The following VWF variants were observed in gnomAD, a reference collection of about 807,000 sequenced individuals.
VWF encodes the protein Factor VIII related antigen.
A neutral mutation model predicts 308.6 loss-of-function variants in VWF; 176 were observed. The ratio of observed to expected loss-of-function variants is 0.57; its 90% CI spans 0.50 to 0.65. VWF has a LOEUF of 0.65. VWF is among the 30% of genes least tolerant of loss of function. VWF has a pLI of 0.00. For synonymous variants in VWF, 1,385 were observed against 1,443.4 expected, an observed-to-expected ratio of 0.96 and a Z score of 0.92; for missense variants, 3,146 against 3,648.2, an observed-to-expected ratio of 0.86 and a Z score of 3.55.
Position 5,952,505 on chromosome 12 carries a change from G to A in VWF, c.8001C>T (p.Leu2667=), listed in dbSNP as rs768159245. The change falls in exon 49 of 52, where the codon CTC becomes CTT. Residue 2667 remains leucine, a synonymous_variant. Coordinates refer to ENST00000261405, the MANE Select transcript of VWF (RefSeq NM_000552.5). Reference sequence around the variant, plus strand: ...AGAAGTGAGTATCACAGCCATCCTGGAGCGTCTCATCACGCTGGAAGGAAA... The same window carrying A: ...AGAAGTGAGTATCACAGCCATCCTGAAGCGTCTCATCACGCTGGAAGGAAA... ...QIMTLKRDET[L]QDGCDTHFCK... The A allele has an allele frequency of 1.9e-6, 3 of 1,613,880 alleles. No individual in the cohort carries two copies. The East Asian group carries it at 6.7e-5, about 36-fold the overall frequency.
At chr12:6,022,142 C>A (rs1944136405) in intron 26 of VWF, 107 bp from the exon 27 acceptor site, 1 of 1,493,030 alleles carries the variant, frequency 6.7e-7, no homozygotes, top group South Asian at 1.1e-5. Context: ...GCCCTAGAAG[C>A]CAACTCCTCC....
intron 22 of VWF, among the ~76,000 whole-genome samples, chr12:6,027,234 T>G (rs1385717565): frequency 6.6e-6 from 1 of 151,960 alleles, no homozygotes; most frequent in Non-Finnish European, 1.5e-5. Context: ...CACACTGACC[T>G]CCTTGTACAA....
At chr12:6,116,989 T>C (rs1209008507) in intron 3 of VWF, among the ~76,000 whole-genome samples, 1 of 151,932 alleles carries the variant, frequency 6.6e-6, no homozygotes, top group Non-Finnish European at 1.5e-5. Flanking sequence ...CTGGCTGCCC[T>C]GATGCACCAA....
At chr12:6,110,009 C>A (rs1448510561) in intron 5 of VWF, among the ~76,000 whole-genome samples, 1 of 152,192 alleles carries the variant, frequency 6.6e-6, no homozygotes, top group African/African-American at 2.4e-5. Context: ...CATGCACACA[C>A]ACATAAACTG....
chr12:6,060,601 A>C lies in VWF; in HGVS notation c.1533+2353T>G, dbSNP rs1244594979. ...GGAATCTGTGTAAAGAAAAAGAAAAAAGAAAAATATATATAAAAAGACAGT... is the reference window on the plus strand; with the variant it reads ...GGAATCTGTGTAAAGAAAAAGAAAACAGAAAAATATATATAAAAAGACAGT... On this transcript the variant is annotated intron_variant, in intron 13 of 51. Transcript: ENST00000261405. The surrounding 1 kb of genome is among the most constrained non-coding windows in gnomAD (Gnocchi z 5.1). Among the ~76,000 whole-genome samples the C allele has an allele frequency of 8.5e-5, 13 of 152,294 alleles. No homozygotes were observed. The East Asian group carries it at 2.3e-3, about 27-fold the overall frequency.
intron 6 of VWF, among the ~76,000 whole-genome samples, chr12:6,092,639 GTGT>G (rs1945060498): frequency 6.9e-6 from 1 of 145,752 alleles, no homozygotes; most frequent in Admixed American, 6.7e-5. Context: ...GTGTGTGTGT[GTGT>G]GTGTGTGTGT....
chr12:6,073,119 G>T (rs867870565), intron 8 of VWF, among the ~76,000 whole-genome samples: 1 of 152,094 alleles, frequency 6.6e-6, no homozygotes, highest in African/African-American at 2.4e-5. Flanking sequence ...CGCCCATCTC[G>T]GCTTCCAAAA....
chr12:6,107,890 C>A (rs1295459887), intron 5 of VWF, among the ~76,000 whole-genome samples: 1 of 152,110 alleles, frequency 6.6e-6, no homozygotes, highest in Non-Finnish European at 1.5e-5. Flanking sequence ...CATCTCCTGA[C>A]CTCATGATCC....
At chr12:6,109,476 A>G (rs1470548708) in intron 5 of VWF, among the ~76,000 whole-genome samples, 8 of 152,184 alleles carry the variant, frequency 5.3e-5, no homozygotes, top group Non-Finnish European at 1.0e-4. Context: ...AATATGGTAC[A>G]TTCCAATGAA....
chr12:6,072,411 C>T lies in VWF; in HGVS notation c.1029G>A (p.Val343=), dbSNP rs373418673. The T allele has an allele frequency of 2.5e-6, 4 of 1,614,004 alleles. No homozygotes were observed. The highest frequency in any genetic ancestry group is 1.7e-5 in the Admixed American group (1 of 59,996). ...GCACGCAGGGACACTCGGTGCTCTCCACGCAGAGGCCTTCATCCAGGAGCT... is the reference window on the plus strand; with the variant it reads ...GCACGCAGGGACACTCGGTGCTCTCTACGCAGAGGCCTTCATCCAGGAGCT... The part of the protein sequence containing the change: ...EGQLLDEGLC[V]ESTECPCVHS... The change falls in exon 9 of 52, where the codon GTG becomes GTA. Residue 343 remains valine (V), a synonymous_variant. Transcript: ENST00000261405.
At chr12:6,104,570 G>A (rs576356507) in intron 5 of VWF, among the ~76,000 whole-genome samples, 23 of 151,908 alleles carry the variant, frequency 1.5e-4, no homozygotes, top group African/African-American at 5.5e-4. Flanking sequence ...GGTGACATGC[G>A]CCTGTAGTCC....
chr12:5,969,806 G>A (rs974637919), intron 44 of VWF, among the ~76,000 whole-genome samples: 8 of 152,184 alleles, frequency 5.3e-5, no homozygotes, highest in African/African-American at 1.9e-4. Flanking sequence ...GCAGAAGCCC[G>A]GGAAGGCTGG....
intron 17 of VWF, among the ~76,000 whole-genome samples, chr12:6,044,654 T>G (rs1944429671): frequency 6.6e-6 from 1 of 152,192 alleles, no homozygotes; most frequent in Non-Finnish European, 1.5e-5. Context: ...GACCTCTGGC[T>G]TACATTGGTG....
At chr12:5,993,154 A>G (rs1943763936) in intron 37 of VWF, among the ~76,000 whole-genome samples, 2 of 152,184 alleles carry the variant, frequency 1.3e-5, no homozygotes, top group South Asian at 4.1e-4. Context: ...AGGCATGTAC[A>G]TATTGATTTC....
At chr12:6,073,785 C>T (rs756194924) in intron 7 of VWF, 44 bp from the exon 8 acceptor site, 7 of 1,612,262 alleles carry the variant, frequency 4.3e-6, no homozygotes, top group Admixed American at 1.7e-5. Context: ...CAGGTCCCAC[C>T]GGTGCATCAT....
At chr12:6,015,711 C>A (rs1218051106) in intron 31 of VWF, among the ~76,000 whole-genome samples, 1 of 152,180 alleles carries the variant, frequency 6.6e-6, no homozygotes, top group Non-Finnish European at 1.5e-5. Context: ...TACATGAAAG[C>A]CCCCATTGGT....
chr12:6,035,433 C>T (rs975147391), intron 19 of VWF, among the ~76,000 whole-genome samples: 2 of 152,204 alleles, frequency 1.3e-5, no homozygotes, highest in African/African-American at 2.4e-5. Context: ...CATCAAGAAG[C>T]CCACTTGTGC....
intron 6 of VWF, among the ~76,000 whole-genome samples, chr12:6,078,093 G>A (rs995635466): frequency 2.2e-4 from 34 of 152,136 alleles, no homozygotes; most frequent in African/African-American, 5.5e-4. Context: ...AGATCCCTCC[G>A]GCCACTAGGC....
At chr12:6,033,320 A>T (rs1032863241) in intron 20 of VWF, among the ~76,000 whole-genome samples, 2 of 152,168 alleles carry the variant, frequency 1.3e-5, no homozygotes. Context: ...AGACAACAGA[A>T]CCAGCTGTAG....
Sources: allele counts gnomAD v4.1 joint callset (sites outside exome capture counted in the v4.1 genomes callset), GRCh38; gene constraint gnomAD v4.1.1; non-coding constraint Gnocchi (gnomAD v3.1); transcripts MANE v1.5; gene names NCBI Gene and HGNC (gene_info 2026-07-23, HGNC 2026-07-21).